BACH2: variants seen among roughly 807,000 people sequenced by gnomAD.
The protein encoded by BACH2 is BACH transcriptional regulator 2, also known as transcription regulator protein BACH2.
Under a neutral mutation model 61.8 loss-of-function variants are expected in BACH2, and 5 were observed. The ratio of observed to expected loss-of-function variants is 0.08; its 90% CI spans 0.04 to 0.17. BACH2 has a LOEUF of 0.17. Ranked by LOEUF, BACH2 falls within the 10% of genes least tolerant of loss-of-function variation. The probability of loss-of-function intolerance (pLI) is 1.00; values close to 1 mark genes in which losing one functional copy is unlikely to be tolerated. For synonymous variants in BACH2, 446 were observed against 440.1 expected (o/e 1.01, Z -0.17); for missense variants, 824 against 1,091.1 (o/e 0.76, Z 3.45).
At chr6:89,986,427 C>A (rs1367145326) in intron 6 of BACH2, among the ~76,000 whole-genome samples, 4 of 152,026 alleles carry the variant, frequency 2.6e-5, no homozygotes, top group African/African-American at 4.8e-5. Flanking sequence ...TTTGTTTTTT[C>A]CCTAATATCC....
intron 6 of BACH2, among the ~76,000 whole-genome samples, chr6:89,966,303 C>T (rs553920072): frequency 2.0e-4 from 31 of 152,190 alleles, no homozygotes; most frequent in Non-Finnish European, 3.8e-4. Context: ...GCCAAAGGGA[C>T]GATACACTTC....
At chr6:90,239,929 C>T (rs1475830567) in intron 3 of BACH2, among the ~76,000 whole-genome samples, 6 of 150,968 alleles carry the variant, frequency 4.0e-5, no homozygotes, top group African/African-American at 1.2e-4. Context: ...GTAGGAAAAA[C>T]GAACACATGA....
chr6:90,110,392 AT>A (rs1783116726), intron 4 of BACH2, among the ~76,000 whole-genome samples: 1 of 152,184 alleles, frequency 6.6e-6, no homozygotes, highest in African/African-American at 2.4e-5. Context: ...CCTGTGCATA[AT>A]TTTATAACAT....
At chr6:89,975,136 A>G (rs1052252093) in intron 6 of BACH2, among the ~76,000 whole-genome samples, 3 of 152,186 alleles carry the variant, frequency 2.0e-5, no homozygotes, top group Non-Finnish European at 2.9e-5. Flanking sequence ...GGGCTTCATG[A>G]TGATGTTTTC....
intron 6 of BACH2, among the ~76,000 whole-genome samples, chr6:89,984,022 T>A (rs905379679): frequency 5.9e-5 from 9 of 152,224 alleles, no homozygotes; most frequent in Admixed American, 5.9e-4. Context: ...CTGATGACAG[T>A]GACTTTATCT....
intron 3 of BACH2, among the ~76,000 whole-genome samples, chr6:90,207,394 T>A (rs998285730): frequency 6.6e-6 from 1 of 152,210 alleles, no homozygotes. Context: ...GCTGGGATTA[T>A]GAGCCACCAT....
At chr6:90,073,293 C>A (rs773977786) in intron 5 of BACH2, among the ~76,000 whole-genome samples, 8 of 152,074 alleles carry the variant, frequency 5.3e-5, no homozygotes, top group African/African-American at 1.9e-4. Flanking sequence ...ACTGACTCTG[C>A]GAGAATCTAA....
At chr6:90,109,493 C>T (rs1783072621) in intron 4 of BACH2, among the ~76,000 whole-genome samples, 1 of 152,138 alleles carries the variant, frequency 6.6e-6, no homozygotes. Flanking sequence ...CACTCCCAGG[C>T]CTGTGGTTTT....
intron 4 of BACH2, among the ~76,000 whole-genome samples, chr6:90,095,850 T>C (rs1463562086): frequency 6.6e-6 from 1 of 152,162 alleles, no homozygotes; most frequent in African/African-American, 2.4e-5. Context: ...GGAACTGTGC[T>C]AGAAATTTTA....
chr6:90,109,775 T>A (rs1783086177), intron 4 of BACH2, among the ~76,000 whole-genome samples: 1 of 152,172 alleles, frequency 6.6e-6, no homozygotes, highest in African/African-American at 2.4e-5. Context: ...CCATAATACA[T>A]CTTGAAATGA....
intron 1 of BACH2, among the ~76,000 whole-genome samples, chr6:90,290,360 G>C (rs1204207752): frequency 6.6e-6 from 1 of 152,188 alleles, no homozygotes; most frequent in African/African-American, 2.4e-5. Flanking sequence ...ACCAGATGAC[G>C]TGCTTCATGA....
At chr6:90,247,658 C>T (rs115259450) in intron 3 of BACH2, among the ~76,000 whole-genome samples, 263 of 152,228 alleles carry the variant, frequency 1.7e-3, no homozygotes, top group African/African-American at 6.1e-3. Context: ...TAGCCTCTAC[C>T]TACTTTTTTA....
chr6:90,029,453 G>T (rs3857498), intron 5 of BACH2, among the ~76,000 whole-genome samples: 1 of 151,864 alleles, frequency 6.6e-6, no homozygotes, highest in South Asian at 2.1e-4. Flanking sequence ...ACCCTGCTCC[G>T]TTTAAACCAC....
chr6:90,260,737 T>C lies in BACH2; in HGVS notation c.-352-8147A>G, dbSNP rs761222741. Among the ~76,000 whole-genome samples, 32 of 152,302 alleles carry C rather than the reference T, an allele frequency of 2.1e-4. 1 individual carries two copies. In the South Asian group the frequency reaches 3.9e-3, roughly 19 times the overall value. ...GTCTACCCAGAAGCAAGTACCAAGA[T>C]AGAACTAGAAATACAAAAGATATAT... On this transcript the variant is annotated intron_variant, in intron 2 of 8. Coordinates refer to ENST00000257749, the MANE Select transcript of BACH2 (RefSeq NM_021813.4).
At chr6:90,084,219 T>A (rs779773833) in intron 5 of BACH2, among the ~76,000 whole-genome samples, 1 of 151,994 alleles carries the variant, frequency 6.6e-6, no homozygotes. Context: ...ACCAGGCACA[T>A]CTGATTCCTG....
Position 90,225,549 on chromosome 6 carries a change from G to C in BACH2, c.-274-18868C>G, listed in dbSNP as rs989647626. On this transcript the variant is annotated intron_variant, in intron 3 of 8. Transcript: ENST00000257749. ...AAACACCACATGTTCACACTTATAC[G>C]TGGGAGCTGAACAATGAGAACGCAT... Among the ~76,000 whole-genome samples the C allele has an allele frequency of 2.0e-5, 3 of 152,236 alleles. No individual in the cohort carries two copies. In the East Asian group the frequency reaches 5.8e-4, roughly 29 times the overall value.
At chr6:90,033,878 A>T (rs550387478) in intron 5 of BACH2, among the ~76,000 whole-genome samples, 19 of 152,170 alleles carry the variant, frequency 1.2e-4, no homozygotes, top group Non-Finnish European at 2.5e-4. Flanking sequence ...TTTACTGGTT[A>T]CCTAGGTTGC....
At chr6:90,059,735 A>C in intron 5 of BACH2, among the ~76,000 whole-genome samples, 1 of 152,074 alleles carries the variant, frequency 6.6e-6, no homozygotes, top group East Asian at 1.9e-4. Context: ...CAAATGTCCA[A>C]CAATGATAGA....
intron 5 of BACH2, among the ~76,000 whole-genome samples, chr6:90,030,845 C>T (rs1240238755): frequency 6.6e-6 from 1 of 151,926 alleles, no homozygotes; most frequent in African/African-American, 2.4e-5. Flanking sequence ...TCCTCCCTGA[C>T]TCATTTTATG....
Sources: gnomAD v4.1 joint callset for allele counts (sites outside exome capture counted in the v4.1 genomes callset) on GRCh38, gnomAD v4.1.1 for gene constraint, MANE v1.5 for transcripts, NCBI Gene and HGNC (gene_info 2026-07-23, HGNC 2026-07-21) for gene names.